Variants in SAMD4A observed in about 807,000 individuals in gnomAD.
The protein encoded by SAMD4A is sterile alpha motif domain containing 4A, also known as protein Smaug homolog 1.
A neutral mutation model predicts 81.3 loss-of-function variants in SAMD4A; 33 were observed. That is an observed-to-expected ratio of 0.41 (90% confidence interval 0.31 to 0.54). The LOEUF (loss-of-function observed/expected upper bound fraction) is 0.54. Among genes scored for constraint, SAMD4A ranks in the 20% least tolerant of loss-of-function variants. The pLI, the probability that SAMD4A is intolerant of heterozygous loss-of-function variation, is 0.37. For missense variants in SAMD4A, 854 were observed against 951.1 expected (o/e 0.90, Z 1.34); for synonymous variants, 389 against 382.1 (o/e 1.02, Z -0.21).
intron 9 of SAMD4A, among the ~76,000 whole-genome samples, chr14:54,770,682 T>A (rs1209303670): frequency 1.3e-5 from 2 of 152,256 alleles, no homozygotes; most frequent in Admixed American, 1.3e-4. Context: ...AGTGCTAGTC[T>A]ATTTTGGTCT....
At chr14:54,693,305 C>T (rs1388805352) in intron 2 of SAMD4A, 3 of 152,122 alleles carry the variant, frequency 2.0e-5, no homozygotes, top group Non-Finnish European at 4.4e-5. Context: ...GTTTATAGGT[C>T]GTCTATTCTA....
chr14:54,628,676 T>C (rs1287853807), intron 2 of SAMD4A, among the ~76,000 whole-genome samples: 3 of 152,312 alleles, frequency 2.0e-5, no homozygotes, highest in African/African-American at 7.2e-5. Flanking sequence ...TGATAACTCA[T>C]TTAATCCTCC....
In SAMD4A at chr14:54,733,410, C is replaced by T. The variant is rs546643679; in HGVS notation, c.716-3614C>T. Among the ~76,000 whole-genome samples, 113 of 152,082 alleles carry T rather than the reference C, an allele frequency of 7.4e-4. 1 individual carries two copies. Among genetic ancestry groups the T allele is most frequent in the African/African-American group, 2.7e-3 (110 of 41,478 alleles). ...AGCAATTTTGGATTCATACTGTATA[C>T]AATTATTAAATGTTGGTTTCCATGT... On this transcript the variant is annotated intron_variant, in intron 3 of 12. Coordinates refer to ENST00000554335, the MANE Select transcript of SAMD4A (RefSeq NM_015589.6).
chr14:54,715,070 A>G (rs2037085407), intron 3 of SAMD4A, among the ~76,000 whole-genome samples: 1 of 152,186 alleles, frequency 6.6e-6, no homozygotes, highest in African/African-American at 2.4e-5. Flanking sequence ...TAATTATAAG[A>G]ATATTATTCA....
chr14:54,737,419 T>C, intron 4 of SAMD4A, 132 bp downstream of exon 4: 1 of 1,068,858 alleles, frequency 9.4e-7, no homozygotes, highest in Non-Finnish European at 1.3e-6. Context: ...ATTTGATCTG[T>C]CCCTTCCAGA....
intron 9 of SAMD4A, among the ~76,000 whole-genome samples, chr14:54,773,587 C>T (rs1438612444): frequency 6.6e-6 from 1 of 152,228 alleles, no homozygotes; most frequent in Non-Finnish European, 1.5e-5. Flanking sequence ...CCAACGGCAG[C>T]GCCGGCATCT....
At chr14:54,681,460 C>T (rs77547689) in intron 2 of SAMD4A, among the ~76,000 whole-genome samples, 6 of 152,152 alleles carry the variant, frequency 3.9e-5, no homozygotes, top group African/African-American at 1.4e-4. Context: ...GATGCGGACT[C>T]GCTCTGTTAC....
chr14:54,726,670 T>C (rs1217215617), intron 3 of SAMD4A, among the ~76,000 whole-genome samples: 1 of 152,086 alleles, frequency 6.6e-6, no homozygotes, highest in Non-Finnish European at 1.5e-5. Context: ...TGGCTATCGA[T>C]TAAAGCCACC....
intron 3 of SAMD4A, among the ~76,000 whole-genome samples, chr14:54,727,165 CCTT>C (rs2037437409): frequency 1.3e-5 from 1 of 79,882 alleles, no homozygotes; most frequent in Non-Finnish European, 3.0e-5. Flanking sequence ...TTCTTTTTTT[CCTT>C]TTTTTTTTTT....
At chr14:54,660,636 G>T (rs2035620396) in intron 2 of SAMD4A, among the ~76,000 whole-genome samples, 1 of 152,240 alleles carries the variant, frequency 6.6e-6, no homozygotes, top group East Asian at 1.9e-4. Flanking sequence ...TTTGACATTT[G>T]CTGTGCTCTG....
At position 54,760,454 on chromosome 14, in the gene SAMD4A, G is replaced by A; in HGVS notation, c.1470G>A (p.Glu490=). The change falls in exon 7 of 13, where the codon GAG becomes GAA. Residue 490 remains glutamate (E), a synonymous_variant. Coordinates refer to ENST00000554335, the MANE Select transcript of SAMD4A (RefSeq NM_015589.6). ...AGCTGGCCGTCGCCCCCCTGCCAGA[G>A]GGGGACCTCCCCGGGCAGTTCACAC... is the stretch of plus-strand genomic sequence containing the variant. The part of the protein sequence containing the change: ...DGELAVAPLP[E]GDLPGQFTRV... 2.8e-6 allele frequency: 4 copies of A among 1,427,130 alleles called. No homozygotes were observed. Among genetic ancestry groups the A allele is most frequent in the Non-Finnish European group, 3.6e-6 (4 of 1,100,160 alleles). 88.4% of individuals were successfully genotyped at this position (1,427,130 alleles called of 1,614,324 possible).
chr14:54,679,068 C>T (rs991479028), intron 2 of SAMD4A, among the ~76,000 whole-genome samples: 3 of 152,128 alleles, frequency 2.0e-5, no homozygotes, highest in Admixed American at 6.5e-5. Flanking sequence ...TTTATTGACT[C>T]GGATTTGGAT....
At chr14:54,784,731 A>G in intron 12 of SAMD4A, 111 bp downstream of exon 12, 1 of 975,384 alleles carries the variant, frequency 1.0e-6, no homozygotes, top group East Asian at 2.4e-5. Flanking sequence ...GGGGGAGGAC[A>G]AGGAGGGGTA....
At chr14:54,576,803 G>A (rs942021634) in intron 2 of SAMD4A, among the ~76,000 whole-genome samples, 28 of 152,180 alleles carry the variant, frequency 1.8e-4, no homozygotes, top group African/African-American at 6.8e-4. Context: ...TGGCTTTAGC[G>A]TGGTTTCAGT....
At chr14:54,739,478 A>G (rs2037791854) in intron 4 of SAMD4A, among the ~76,000 whole-genome samples, 1 of 151,234 alleles carries the variant, frequency 6.6e-6, no homozygotes, top group Admixed American at 6.6e-5. Context: ...ACTTCCTTGG[A>G]TTGGGATTCC....
intron 2 of SAMD4A, among the ~76,000 whole-genome samples, chr14:54,687,807 T>G (rs999720977): frequency 6.6e-6 from 1 of 152,080 alleles, no homozygotes; most frequent in Non-Finnish European, 1.5e-5. Context: ...AGATGTAAAA[T>G]GTTAAATGTT....
chr14:54,749,839 A>C lies in SAMD4A; in HGVS notation c.1089+915A>C, dbSNP rs554893128. Among the ~76,000 whole-genome samples the C allele has an allele frequency of 1.3e-3, 193 of 152,342 alleles. 1 individual carries two copies. Among genetic ancestry groups the C allele is most frequent in the African/African-American group, 4.5e-3 (187 of 41,572 alleles). On this transcript the variant is annotated intron_variant, in intron 5 of 12. Transcript: ENST00000554335. ...CTAAGAATATTTCCTTTGCAGGAAA[A>C]GGAGATTGTACCATTTGGGCATGGC... is the stretch of plus-strand genomic sequence containing the variant.
chr14:54,648,109 A>G (rs2035323995), intron 2 of SAMD4A, among the ~76,000 whole-genome samples: 1 of 152,238 alleles, frequency 6.6e-6, no homozygotes, highest in Non-Finnish European at 1.5e-5. Flanking sequence ...TAGGAGGATT[A>G]AGTGGGAGGG....
rs1379908845 is a variant in SAMD4A, at chr14:54,789,937, T to C, written c.*993T>C. On this transcript the variant is annotated 3_prime_UTR_variant, in exon 13 of 13. Coordinates refer to ENST00000554335, the MANE Select transcript of SAMD4A (RefSeq NM_015589.6). ...CAAAGAATCCTGCAGCCTCTTTCTG[T>C]GCTGGATTTGCTTGTCACGGAGAGG... 1 of 152,248 alleles carries C rather than the reference T, an allele frequency of 6.6e-6. No homozygotes were observed. Among genetic ancestry groups the C allele is most frequent in the Non-Finnish European group, 1.5e-5 (1 of 68,052 alleles). The allele number at this position is 152,248 out of a possible 1,614,324, so 9.4% of individuals were successfully genotyped here. A position where few individuals can be genotyped will look rare whatever the true frequency, so the allele number is the denominator to read the frequency against.
Sources: allele counts gnomAD v4.1 joint callset (sites outside exome capture counted in the v4.1 genomes callset), GRCh38; gene constraint gnomAD v4.1.1; transcripts MANE v1.5; gene names NCBI Gene and HGNC (gene_info 2026-07-23, HGNC 2026-07-21).